The following AGRN variants were observed in gnomAD, a reference collection of about 807,000 sequenced individuals.
The protein encoded by AGRN is agrin proteoglycan.
AGRN carries 106 observed loss-of-function variants against 211.0 expected under a neutral mutation model. The observed-to-expected ratio is 0.50, with a 90% CI of 0.43 to 0.59. AGRN has a LOEUF of 0.59. AGRN is among the 20% of genes least tolerant of loss of function. The pLI is 0.00. For synonymous variants in AGRN, 1,525 were observed against 1,332.5 expected (o/e 1.14, Z -3.15); for missense variants, 3,040 against 2,982.6 (o/e 1.02, Z -0.45).
In AGRN at chr1:1,020,153, C is replaced by T. The variant is rs1380323623; in HGVS notation, c.-20C>T. ...CCCCGGCGCGGCCCGCGCGCTCCTC[C>T]GCCGCCTCTCGCCTGCGCCATGGCC... is the stretch of plus-strand genomic sequence containing the variant. On this transcript the variant is annotated 5_prime_UTR_variant, in exon 1 of 36. Coordinates refer to ENST00000379370, the MANE Select transcript of AGRN (RefSeq NM_198576.4). The T allele has an allele frequency of 4.7e-6, 6 of 1,269,488 alleles. No homozygotes were observed. In the Admixed American group the frequency reaches 9.9e-5, roughly 21 times the overall value. 78.6% of individuals were successfully genotyped at this position (1,269,488 alleles called of 1,614,324 possible).
rs141780158 is a variant in AGRN, at chr1:1,036,555, G to A, written c.511+1231G>A. 5.7e-4 allele frequency among the ~76,000 whole-genome samples: 86 copies of A among 152,206 alleles called. No individual in the cohort carries two copies. In the East Asian group the frequency reaches 0.015, roughly 27 times the overall value. ...TCCCACACTTGGCTACTCAACTCCT[G>A]GTCCCAGGGACTCTGGCCTGGGGCA... On this transcript the variant is annotated intron_variant, in intron 3 of 35. Coordinates refer to ENST00000379370, the MANE Select transcript of AGRN (RefSeq NM_198576.4).
At chr1:1,033,584 C>T (rs1289131277) in intron 2 of AGRN, among the ~76,000 whole-genome samples, 2 of 150,660 alleles carry the variant, frequency 1.3e-5, no homozygotes, top group South Asian at 2.1e-4. Flanking sequence ...CCACCGCTGC[C>T]CTCGACTCAA....
chr1:1,054,318 C>T (rs1201036227), intron 34 of AGRN, 130 bp from the exon 35 acceptor site: 2 of 870,034 alleles, frequency 2.3e-6, no homozygotes, highest in Middle Eastern at 2.4e-4. Context: ...TCCTTGCCCC[C>T]AGGGGTGATA....
At position 1,032,109 on chromosome 1, in the gene AGRN, C is replaced by G. The variant is rs1644688347; in HGVS notation, c.464-3168C>G. Among the ~76,000 whole-genome samples, 1 of 152,136 alleles carries G rather than the reference C, an allele frequency of 6.6e-6. No homozygotes were observed. The highest frequency in any genetic ancestry group is 2.4e-5 in the African/African-American group (1 of 41,414). ...GGGTGGGGTGGTTGGGGTAGGAGCT[C>G]CCCTGAGGAGAGAGTGAGGCCAGCA... On this transcript the variant is annotated intron_variant, in intron 2 of 35. Coordinates refer to ENST00000379370, the MANE Select transcript of AGRN (RefSeq NM_198576.4). The surrounding 1 kb of genome is among the most constrained non-coding windows in gnomAD (Gnocchi z 4.7).
rs1335984851 is a variant in AGRN, at chr1:1,054,392, AGAG to A, written c.5877-51_5877-49del. 6 of 1,446,816 alleles carry A rather than the reference AGAG, an allele frequency of 4.1e-6. No individual in the cohort carries two copies. The African/African-American group carries it at 5.6e-5, about 14-fold the overall frequency. 89.6% of individuals were successfully genotyped at this position (1,446,816 alleles called of 1,614,324 possible). On this transcript the variant is annotated intron_variant, in intron 34 of 35. Transcript: ENST00000379370. ...AGGAAGGATGCAGGGCTTATGGTCT[AGAG>A]GAGGCAGAGGGAACTCTGGGCCCTG...
intron 2 of AGRN, among the ~76,000 whole-genome samples, chr1:1,033,721 A>G (rs1372339119): frequency 8.1e-5 from 7 of 85,982 alleles, no homozygotes; most frequent in African/African-American, 2.7e-4. Flanking sequence ...CCCAGTCCCA[A>G]CACCTTCAGG....
chr1:1,046,221 G>A lies in AGRN; in HGVS notation c.2867G>A (p.Arg956His), dbSNP rs757057339. The change falls in exon 17 of 36, where the codon CGC becomes CAC. Residue 956 changes from arginine (R) to histidine (H), a missense_variant. Arg to His is a conservative substitution (Grantham distance 29). Transcript: ENST00000379370. ...TGTCAGCTGAAGACCATCGCCTGCC[G>A]CCAGGGCCTGCAAATCTCTATCCAG... is the stretch of plus-strand genomic sequence containing the variant. ...NECQLKTIAC[R>H]QGLQISIQSL... 24 of 1,613,474 alleles carry A rather than the reference G, an allele frequency of 1.5e-5. No individual in the cohort carries two copies. The highest frequency in any genetic ancestry group is 2.2e-5 in the South Asian group (2 of 91,084).
chr1:1,038,932 G>A (rs1182244644), intron 3 of AGRN, among the ~76,000 whole-genome samples: 2 of 152,196 alleles, frequency 1.3e-5, no homozygotes, highest in African/African-American at 2.4e-5. Context: ...GCCAGGACGG[G>A]GGAAGGCCAG....
chr1:1,051,948 C>G (rs1190395489), intron 33 of AGRN, 133 bp downstream of exon 33: 15 of 1,548,390 alleles, frequency 9.7e-6, no homozygotes, highest in Admixed American at 2.0e-5. Flanking sequence ...TCTCTCTCAC[C>G]TCCCGGTCCT....
In AGRN at chr1:1,041,558, C is replaced by A. The variant is rs745852173; in HGVS notation, c.1033C>A (p.Arg345=). ...PRTRRPEMLL[R]PESCPARQAP... is the part of the protein sequence containing the mutation. ...CACGCGGCGCCCTGAGATGCTCCTACGGCCCGAGAGCTGCCCTGCCCGGCA... is the reference window on the plus strand; with the variant it reads ...CACGCGGCGCCCTGAGATGCTCCTAAGGCCCGAGAGCTGCCCTGCCCGGCA... The change falls in exon 6 of 36, where the codon CGG becomes AGG. Residue 345 remains arginine, a synonymous_variant. Transcript: ENST00000379370. 9 of 1,608,700 alleles carry A rather than the reference C, an allele frequency of 5.6e-6. No individual in the cohort carries two copies. The African/African-American group carries it at 1.1e-4, about 19-fold the overall frequency.
In AGRN at chr1:1,050,263, T is replaced by A; in HGVS notation, c.4910T>A (p.Leu1637Gln). ...GGGCAGGACGGCTCTGGGCCCTTCCTGGCTGACTTCAACGGCTTCTCCCAC... is the reference window on the plus strand; with the variant it reads ...GGGCAGGACGGCTCTGGGCCCTTCCAGGCTGACTTCAACGGCTTCTCCCAC... ...ASGQDGSGPF[L>Q]ADFNGFSHLE... The change falls in exon 28 of 36, where the codon CTG becomes CAG. Residue 1637 changes from leucine to glutamine, a missense_variant. Coordinates refer to ENST00000379370, the MANE Select transcript of AGRN (RefSeq NM_198576.4). 6.2e-7 allele frequency: 1 copy of A among 1,613,066 alleles called. No individual in the cohort carries two copies. The highest frequency in any genetic ancestry group is 8.5e-7 in the Non-Finnish European group (1 of 1,179,886).
chr1:1,052,380 T>A (rs1285155715), intron 33 of AGRN: 1 of 339,448 alleles, frequency 2.9e-6, no homozygotes. Flanking sequence ...GCTGTGTGTG[T>A]GCATGGGTCC....
At chr1:1,036,221 C>T (rs558678268) in intron 3 of AGRN, among the ~76,000 whole-genome samples, 5 of 152,132 alleles carry the variant, frequency 3.3e-5, no homozygotes, top group African/African-American at 1.2e-4. Flanking sequence ...CTGGATAGAT[C>T]GTCTCGGCCA....
At chr1:1,021,464 A>G (rs921920794) in intron 1 of AGRN, among the ~76,000 whole-genome samples, 1 of 152,208 alleles carries the variant, frequency 6.6e-6, no homozygotes, top group Non-Finnish European at 1.5e-5. Context: ...GGACAGGCCA[A>G]CCATTGTCTC....
Position 1,048,115 on chromosome 1 carries a change from C to A in AGRN, c.3855C>A (p.Thr1285=), listed in dbSNP as rs773096344. Residue 1285 remains threonine (T), a synonymous_variant, in exon 23 of 36, where the codon ACC becomes ACA. Coordinates refer to ENST00000379370, the MANE Select transcript of AGRN (RefSeq NM_198576.4). This position sits in a 1 kb window ranked among gnomAD's most constrained non-coding sequence, Gnocchi z 5.9. ...CGCGCCTGCCGTCCTCTGCTGTGACCCCTCGGGCCCCGCACCCCAGTCACA... is the reference window on the plus strand; with the variant it reads ...CGCGCCTGCCGTCCTCTGCTGTGACACCTCGGGCCCCGCACCCCAGTCACA... ...TASRLPSSAV[T]PRAPHPSHTS... 1 of 1,568,640 alleles carries A rather than the reference C, an allele frequency of 6.4e-7. No homozygotes were observed. Among genetic ancestry groups the A allele is most frequent in the Non-Finnish European group, 8.6e-7 (1 of 1,164,818 alleles).
chr1:1,026,730 C>T (rs1013638678), intron 2 of AGRN, among the ~76,000 whole-genome samples: 6 of 152,134 alleles, frequency 3.9e-5, no homozygotes, highest in East Asian at 1.9e-4. Flanking sequence ...ACGGAAACAC[C>T]GTGGTGGCCT....
In AGRN at chr1:1,054,863, AGGCCT is replaced by A; in HGVS notation, c.6021_6025del (p.Ala2008ArgfsTer59). 1 of 1,558,170 alleles carries A rather than the reference AGGCCT, an allele frequency of 6.4e-7. No individual in the cohort carries two copies. The highest frequency in any genetic ancestry group is 8.7e-7 in the Non-Finnish European group (1 of 1,152,442). ...CTGCCCGTGGGCCCAGCACTGCCCA[AGGCCT>A]ACGGCACAGGCTTTGTGGGCTGCTT... is the stretch of plus-strand genomic sequence containing the variant. On this transcript the variant is annotated frameshift_variant, in exon 36 of 36. Transcript: ENST00000379370. LOFTEE classifies it high-confidence loss of function.
chr1:1,041,861 G>A (rs1343303072), intron 6 of AGRN, 95 bp from the exon 7 acceptor site: 1 of 1,566,398 alleles, frequency 6.4e-7, no homozygotes, highest in African/African-American at 1.4e-5. Context: ...GCTCCCCTCT[G>A]GGAGGGCCGC....
Position 1,048,686 on chromosome 1 carries a change from G to T in AGRN, c.4106-181G>T, listed in dbSNP as rs1645173461. On this transcript the variant is annotated intron_variant, in intron 23 of 35. Transcript: ENST00000379370. The surrounding 1 kb of genome is among the most constrained non-coding windows in gnomAD (Gnocchi z 5.9). ...TGAGGCTGAGGCAGGAGAATCGCTT[G>T]AACCTGGCAGGCGGAGGTTGCGGTG... 4.1e-6 allele frequency: 3 copies of T among 737,296 alleles called. No homozygotes were observed. The highest frequency in any genetic ancestry group is 1.9e-5 in the South Asian group (1 of 51,536). 45.7% of individuals were successfully genotyped at this position (737,296 alleles called of 1,614,324 possible).
Sources: allele counts gnomAD v4.1 joint callset (sites outside exome capture counted in the v4.1 genomes callset), GRCh38; gene constraint gnomAD v4.1.1; non-coding constraint Gnocchi (gnomAD v3.1); transcripts MANE v1.5; gene names NCBI Gene and HGNC (gene_info 2026-07-23, HGNC 2026-07-21).